NRG1: variants seen among roughly 807,000 people sequenced by gnomAD.
NRG1 encodes the protein neuregulin 1, also known as pro-neuregulin-1, membrane-bound isoform.
NRG1 carries 18 observed loss-of-function variants against 63.8 expected under a neutral mutation model. The observed-to-expected ratio is 0.28, with a 90% CI of 0.19 to 0.42. The LOEUF is 0.42. Ranked by LOEUF, NRG1 falls within the 10% of genes least tolerant of loss-of-function variation. The probability of loss-of-function intolerance (pLI) is 1.00; values close to 1 mark genes in which losing one functional copy is unlikely to be tolerated. For missense variants in NRG1, 762 were observed against 814.7 expected, an observed-to-expected ratio of 0.94 and a Z score of 0.79; for synonymous variants, 302 against 301.3, an observed-to-expected ratio of 1.00 and a Z score of -0.02.
rs1848327901 is a variant in NRG1 at position 32,243,549 on chromosome 8, G to T, written c.38-352279G>T. 1.3e-5 allele frequency among the ~76,000 whole-genome samples: 2 copies of T among 152,052 alleles called. 1 individual carries two copies. Among genetic ancestry groups the T allele is most frequent in the South Asian group, 4.1e-4 (2 of 4,820 alleles). ...TCTAAATTATATCACATTCTGAGGT[G>T]CTGGGAGGTAACACTCCAACTTATC... is the stretch of plus-strand genomic sequence containing the variant. On this transcript the variant is annotated intron_variant, in intron 1 of 10. Coordinates refer to the NRG1 transcript ENST00000519301.
chr8:32,541,836 G>C (rs1428354592), intron 1 of NRG1, among the ~76,000 whole-genome samples: 1 of 152,134 alleles, frequency 6.6e-6, no homozygotes, highest in East Asian at 1.9e-4. Context: ...TGGGAATATA[G>C]TAAAATATTA....
At chr8:31,936,380 T>A (rs2129620444) in intron 1 of NRG1, among the ~76,000 whole-genome samples, 1 of 152,326 alleles carries the variant, frequency 6.6e-6, no homozygotes, top group Non-Finnish European at 1.5e-5. Flanking sequence ...GTGCTATACA[T>A]AATCAGATAT....
At chr8:32,362,087 A>T (rs948693774) in intron 1 of NRG1, among the ~76,000 whole-genome samples, 1 of 152,194 alleles carries the variant, frequency 6.6e-6, no homozygotes, top group Non-Finnish European at 1.5e-5. Flanking sequence ...CCTAGTTTAG[A>T]TGGAATCATA....
chr8:31,857,490 C>G (rs1366167981), intron 1 of NRG1, among the ~76,000 whole-genome samples: 1 of 152,202 alleles, frequency 6.6e-6, no homozygotes, highest in African/African-American at 2.4e-5. Flanking sequence ...GTATGCGCAC[C>G]CACTGACCTG....
At chr8:32,344,381 T>TCTTTCTTC (rs1563338245) in intron 1 of NRG1, among the ~76,000 whole-genome samples, 9 of 90,172 alleles carry the variant, frequency 1.0e-4, no homozygotes, top group Non-Finnish European at 1.9e-4. Flanking sequence ...TTTCTTTCTT[T>TCTTTCTTC]CTCTTTCTTT....
At chr8:32,350,444 G>T (rs550384075) in intron 1 of NRG1, among the ~76,000 whole-genome samples, 1 of 152,182 alleles carries the variant, frequency 6.6e-6, no homozygotes, top group East Asian at 1.9e-4. Flanking sequence ...CTCTTTGTTA[G>T]TTTACAACTA....
At chr8:32,574,651 C>T (rs972114658) in intron 1 of NRG1, among the ~76,000 whole-genome samples, 1 of 152,160 alleles carries the variant, frequency 6.6e-6, no homozygotes, top group Non-Finnish European at 1.5e-5. Flanking sequence ...ATGTCCCCCA[C>T]TACTCCTTTG....
rs149897398 is a variant in NRG1 at position 31,978,596 on chromosome 8, C to G, written c.37+339165C>G. Among the ~76,000 whole-genome samples the G allele has an allele frequency of 3.5e-4, 53 of 152,190 alleles. No individual in the cohort carries two copies. In the East Asian group the frequency reaches 9.3e-3, roughly 27 times the overall value. On this transcript the variant is annotated intron_variant, in intron 1 of 10. Coordinates refer to the NRG1 transcript ENST00000519301. ...GTACTCTAAAATACAATAAGGCAGA[C>G]AGCTTTAAACCCATGTGATGTTTAA...
intron 5 of NRG1, among the ~76,000 whole-genome samples, chr8:32,639,693 T>A (rs989800498): frequency 1.3e-5 from 2 of 152,250 alleles, no homozygotes; most frequent in Admixed American, 6.5e-5. Flanking sequence ...GCATTTGCTA[T>A]AAGTGATATG....
Position 32,037,421 on chromosome 8 carries a change from C to T in NRG1, c.37+397990C>T, listed in dbSNP as rs549339887. On this transcript the variant is annotated intron_variant, in intron 1 of 10. Transcript: ENST00000519301. ...CTCAGGAGGAACAGGATCAGGGACCCGCTTAAATAAACAGCCTGGCTTCCT... is the reference window on the plus strand; with the variant it reads ...CTCAGGAGGAACAGGATCAGGGACCTGCTTAAATAAACAGCCTGGCTTCCT... Among the ~76,000 whole-genome samples, 8 of 152,304 alleles carry T rather than the reference C, an allele frequency of 5.3e-5. No homozygotes were observed. In the South Asian group the frequency reaches 6.2e-4, roughly 12 times the overall value.
intron 1 of NRG1, among the ~76,000 whole-genome samples, chr8:32,238,275 GC>G (rs1368345870): frequency 2.0e-5 from 3 of 152,076 alleles, no homozygotes; most frequent in Non-Finnish European, 4.4e-5. Context: ...GACCAGCCTG[GC>G]CAAAATGGTG....
chr8:32,292,594 C>A (rs543772358), intron 1 of NRG1, among the ~76,000 whole-genome samples: 1 of 152,108 alleles, frequency 6.6e-6, no homozygotes, highest in African/African-American at 2.4e-5. Flanking sequence ...GTTCTCCATT[C>A]GTTGTTTCTT....
At chr8:32,511,009 C>A (rs1829125298) in intron 1 of NRG1, among the ~76,000 whole-genome samples, 1 of 145,724 alleles carries the variant, frequency 6.9e-6, no homozygotes, top group Admixed American at 6.9e-5. Context: ...CATGCCATAC[C>A]CTGAAAAAAA....
chr8:31,943,489 TACTC>T (rs1417510636), intron 1 of NRG1, among the ~76,000 whole-genome samples: 12 of 152,050 alleles, frequency 7.9e-5, no homozygotes, highest in Admixed American at 2.0e-4. Context: ...CTAAAAAACT[TACTC>T]ATGTAACCAA....
intron 1 of NRG1, among the ~76,000 whole-genome samples, chr8:31,892,645 T>G (rs796548): frequency 0.52 from 79,463 of 151,788 alleles, 21,512 homozygotes; most frequent in East Asian, 0.75. Context: ...TCTGGGGGTT[T>G]GATAATCCCT....
chr8:32,563,122 T>C (rs1836760997), intron 1 of NRG1, among the ~76,000 whole-genome samples: 1 of 152,156 alleles, frequency 6.6e-6, no homozygotes, highest in Non-Finnish European at 1.5e-5. Context: ...TATGAGCTTT[T>C]TTGTGATTAT....
At chr8:32,268,230 C>T (rs923824974) in intron 1 of NRG1, among the ~76,000 whole-genome samples, 2 of 152,134 alleles carry the variant, frequency 1.3e-5, no homozygotes, top group East Asian at 1.9e-4. Flanking sequence ...CTAGCCAGTA[C>T]TTTGATTACA....
intron 1 of NRG1, among the ~76,000 whole-genome samples, chr8:32,471,507 TA>T (rs969241460): frequency 1.1e-4 from 16 of 152,188 alleles, no homozygotes; most frequent in African/African-American, 2.2e-4. Context: ...GTACCCTTTT[TA>T]AAATATTTTA....
At chr8:32,274,951 T>G (rs1027252623) in intron 1 of NRG1, among the ~76,000 whole-genome samples, 1 of 152,158 alleles carries the variant, frequency 6.6e-6, no homozygotes, top group Non-Finnish European at 1.5e-5. Flanking sequence ...GATCCTCCCA[T>G]GTACCAGAAG....
Sources: allele counts gnomAD v4.1 joint callset (sites outside exome capture counted in the v4.1 genomes callset), GRCh38; gene constraint gnomAD v4.1.1; transcripts MANE v1.5; gene names NCBI Gene and HGNC (gene_info 2026-07-23, HGNC 2026-07-21).